METTL22: variants seen among roughly 807,000 people sequenced by gnomAD.
The protein encoded by METTL22 is methyltransferase 22, Kin17 lysine.
METTL22 carries 51 observed loss-of-function variants against 48.4 expected under a neutral mutation model. The observed-to-expected ratio is 1.05, with a 90% CI of 0.84 to 1.33. METTL22 has a LOEUF of 1.33. Among genes scored for constraint, METTL22 ranks in the 40% most tolerant of loss-of-function variants. The probability of loss-of-function intolerance (pLI) is 0.00; values close to 1 mark genes in which losing one functional copy is unlikely to be tolerated. For synonymous variants in METTL22, 255 were observed against 214.1 expected, an observed-to-expected ratio of 1.19 and a Z score of -1.67; for missense variants, 678 against 526.9, an observed-to-expected ratio of 1.29 and a Z score of -2.81.
intron 9 of METTL22, among the ~76,000 whole-genome samples, chr16:8,643,804 G>T (rs1003708350): frequency 6.6e-6 from 1 of 152,164 alleles, no homozygotes; most frequent in Non-Finnish European, 1.5e-5. Context: ...AGTAGAAACG[G>T]GGTTTCACCA....
Position 8,644,623 on chromosome 16 carries a change from G to C in METTL22, c.1077G>C (p.Leu359=), listed in dbSNP as rs1199949338. 15 of 1,605,766 alleles carry C rather than the reference G, an allele frequency of 9.3e-6. No homozygotes were observed. The highest frequency in any genetic ancestry group is 1.3e-5 in the Non-Finnish European group (15 of 1,176,256). The part of the protein sequence containing the change: ...CEAYDHFRSC[L]HALEQLADGK... ...CCTACGATCACTTCCGCTCCTGCCT[G>C]CACGCGCTGGAGCAGCTCGCAGATG... The change falls in exon 10 of 11, where the codon CTG becomes CTC. Residue 359 remains leucine, a synonymous_variant. Coordinates refer to ENST00000381920, the MANE Select transcript of METTL22 (RefSeq NM_024109.4).
chr16:8,647,603 G>C lies in METTL22; in HGVS notation c.*1460G>C, dbSNP rs933487. 1 of 152,104 alleles carries C rather than the reference G, an allele frequency of 6.6e-6. No homozygotes were observed. The highest frequency in any genetic ancestry group is 1.5e-5 in the Non-Finnish European group (1 of 68,054). 9.4% of individuals were successfully genotyped at this position (152,104 alleles called of 1,614,324 possible). A position where few individuals can be genotyped will look rare whatever the true frequency, so the allele number is the denominator to read the frequency against. On this transcript the variant is annotated 3_prime_UTR_variant, in exon 11 of 11. Transcript: ENST00000381920. ...CGTTCTATAATGCGGTAATCACGGA[G>C]CATCCCCCACAACACAAAATGATCC...
intron 6 of METTL22, among the ~76,000 whole-genome samples, chr16:8,640,476 G>C: frequency 6.6e-6 from 1 of 150,692 alleles, no homozygotes; most frequent in Non-Finnish European, 1.5e-5. Flanking sequence ...CTCAAAAAAT[G>C]CTGGAAGAAT....
intron 9 of METTL22, chr16:8,642,949 T>A (rs1191530332): frequency 4.5e-6 from 1 of 221,624 alleles, no homozygotes; most frequent in East Asian, 9.4e-5. Context: ...GTCTGTCTCT[T>A]CAGCTCCCCC....
chr16:8,629,155 C>T lies in METTL22; in HGVS notation c.514+45C>T, dbSNP rs201756371. On this transcript the variant is annotated intron_variant, in intron 3 of 10. Transcript: ENST00000381920. ...GGCCCACCTGTCACCAAGGCAACTCCGCAGTGTCACTGCTCAGGGCTCAGT... is the reference window on the plus strand; with the variant it reads ...GGCCCACCTGTCACCAAGGCAACTCTGCAGTGTCACTGCTCAGGGCTCAGT... 6.3e-5 allele frequency: 100 copies of T among 1,581,576 alleles called. 1 individual carries two copies. The highest frequency in any genetic ancestry group is 2.2e-4 in the South Asian group (19 of 86,772).
At chr16:8,632,907 C>T (rs1160126296) in intron 3 of METTL22, among the ~76,000 whole-genome samples, 1 of 152,246 alleles carries the variant, frequency 6.6e-6, no homozygotes, top group East Asian at 1.9e-4. Flanking sequence ...GTCCACGAGA[C>T]CCCTGGAAGG....
intron 1 of METTL22, among the ~76,000 whole-genome samples, chr16:8,622,001 G>T (rs1307796233): frequency 6.6e-6 from 1 of 152,220 alleles, no homozygotes; most frequent in Non-Finnish European, 1.5e-5. Context: ...TTCGGTTCTA[G>T]ATTAGGAAGG....
downstream of METTL22, among the ~76,000 whole-genome samples, chr16:8,650,921 G>C (rs2056885012): frequency 6.6e-6 from 1 of 152,186 alleles, no homozygotes; most frequent in Admixed American, 6.5e-5. Context: ...CTACTCTGGA[G>C]GCTGAGGCAG....
Position 8,628,824 on chromosome 16 carries a change from G to C in METTL22, c.228G>C (p.Glu76Asp), listed in dbSNP as rs2056152151. 3 of 1,614,176 alleles carry C rather than the reference G, an allele frequency of 1.9e-6. No individual in the cohort carries two copies. The highest frequency in any genetic ancestry group is 1.3e-5 in the African/African-American group (1 of 75,046). Residue 76 changes from glutamate (E) to aspartate (D), a missense_variant, in exon 3 of 11, where the codon GAG becomes GAC. Coordinates refer to ENST00000381920, the MANE Select transcript of METTL22 (RefSeq NM_024109.4). ...GGSHRDVHTK[E>D]PPSAETGSTG... ...GTCACAGAGATGTTCACACAAAGGA[G>C]CCTCCTTCTGCTGAGACAGGCAGCA...
chr16:8,661,626 C>T, the METTL22 span, among the ~76,000 whole-genome samples: 91,647 of 118,690 alleles, frequency 0.77, 37,724 homozygotes, highest in East Asian at 1. Flanking sequence ...GCCTGGGCGA[C>T]ACAGCGAGAC....
At chr16:8,626,366 C>T (rs950432697) in intron 2 of METTL22, among the ~76,000 whole-genome samples, 2 of 151,880 alleles carry the variant, frequency 1.3e-5, no homozygotes, top group East Asian at 3.9e-4. Context: ...AATGCAGATA[C>T]GAATGAGCCA....
chr16:8,650,748 C>G (rs576004631), downstream of METTL22, among the ~76,000 whole-genome samples: 2 of 152,182 alleles, frequency 1.3e-5, no homozygotes, highest in African/African-American at 4.8e-5. Context: ...TGAAAAAAAG[C>G]CAGATGTGGC....
At chr16:8,640,071 T>C (rs1384270515) in intron 6 of METTL22, among the ~76,000 whole-genome samples, 1 of 152,236 alleles carries the variant, frequency 6.6e-6, no homozygotes, top group East Asian at 1.9e-4. Flanking sequence ...ACACGTTGCA[T>C]GATTGCATTT....
At chr16:8,622,328 C>G (rs969968075) in intron 1 of METTL22, among the ~76,000 whole-genome samples, 3 of 152,222 alleles carry the variant, frequency 2.0e-5, no homozygotes, top group African/African-American at 4.8e-5. Flanking sequence ...TCCCAGCACA[C>G]TGCTTATTTG....
chr16:8,622,733 A>G (rs2055897170), intron 1 of METTL22, among the ~76,000 whole-genome samples: 1 of 152,086 alleles, frequency 6.6e-6, no homozygotes, highest in Non-Finnish European at 1.5e-5. Flanking sequence ...TACTCCTCTG[A>G]GTATATGAGG....
intron 2 of METTL22, among the ~76,000 whole-genome samples, 154 bp downstream of exon 2, chr16:8,625,952 A>G (rs1336149845): frequency 6.6e-6 from 1 of 152,108 alleles, no homozygotes; most frequent in Non-Finnish European, 1.5e-5. Context: ...TGATTTTTTA[A>G]AAACCTTGTA....
At chr16:8,640,948 G>GGATGGATA in intron 6 of METTL22, among the ~76,000 whole-genome samples, 183 bp from the exon 7 acceptor site, 1 of 67,398 alleles carries the variant, frequency 1.5e-5, no homozygotes, top group Non-Finnish European at 3.1e-5. Flanking sequence ...ATGGATGGGT[G>GGATGGATA]GGTGGATGGC....
chr16:8,636,928 T>C (rs141736608), intron 5 of METTL22, among the ~76,000 whole-genome samples: 83 of 152,350 alleles, frequency 5.4e-4, no homozygotes, highest in African/African-American at 2.0e-3. Flanking sequence ...GCAAGTGCCA[T>C]ATGCCCTTCC....
At chr16:8,642,879 A>T in intron 9 of METTL22, 1 of 399,372 alleles carries the variant, frequency 2.5e-6, no homozygotes, top group Non-Finnish European at 4.7e-6. Flanking sequence ...TGGAACCTCA[A>T]CGCTTGGCCA....
Sources: gnomAD v4.1 joint callset for allele counts (sites outside exome capture counted in the v4.1 genomes callset) on GRCh38, gnomAD v4.1.1 for gene constraint, MANE v1.5 for transcripts, NCBI Gene and HGNC (gene_info 2026-07-23, HGNC 2026-07-21) for gene names.